NCOR1: variants seen among roughly 807,000 people sequenced by gnomAD.
The protein encoded by NCOR1 is nuclear receptor corepressor 1.
A neutral mutation model predicts 288.1 loss-of-function variants in NCOR1; 63 were observed. The observed-to-expected ratio is 0.22, with a 90% CI of 0.18 to 0.27. NCOR1 has a LOEUF of 0.27. NCOR1 is among the 10% of genes least tolerant of loss of function. The pLI is 1.00. For synonymous variants in NCOR1, 1,007 were observed against 1,065.9 expected (o/e 0.94, Z 1.08); for missense variants, 2,397 against 3,019.2 (o/e 0.79, Z 4.83).
At chr17:16,155,370 T>TACACAC (rs1310916507) in intron 6 of NCOR1, among the ~76,000 whole-genome samples, 85 of 113,236 alleles carry the variant, frequency 7.5e-4, no homozygotes, top group Middle Eastern at 5.7e-3. Context: ...AAAAAAAAAA[T>TACACAC]ACACACACAC....
intron 18 of NCOR1, among the ~76,000 whole-genome samples, chr17:16,112,752 G>A (rs756659953): frequency 2.4e-4 from 37 of 152,128 alleles, no homozygotes; most frequent in Admixed American, 5.9e-4. Flanking sequence ...GCCTCCCAAC[G>A]TGCTGGGATT....
intron 9 of NCOR1, among the ~76,000 whole-genome samples, chr17:16,148,630 C>T (rs1372654200): frequency 1.0e-5 from 1 of 98,324 alleles, no homozygotes; most frequent in Admixed American, 1.6e-4. Context: ...AATACATGAG[C>T]TAATTTCTTA....
chr17:16,179,117 T>A (rs141502935), intron 3 of NCOR1, among the ~76,000 whole-genome samples: 1 of 152,064 alleles, frequency 6.6e-6, no homozygotes, highest in African/African-American at 2.4e-5. Context: ...AAAATAATAT[T>A]ATATTTCAAA....
chr17:16,136,660 A>C (rs1459196634), intron 14 of NCOR1, among the ~76,000 whole-genome samples: 1 of 152,016 alleles, frequency 6.6e-6, no homozygotes, highest in Non-Finnish European at 1.5e-5. Context: ...ACAAAAACTT[A>C]GCCGGGCGTG....
chr17:16,080,820 TAAA>T, intron 23 of NCOR1, 93 bp from the exon 24 acceptor site: 7 of 927,398 alleles, frequency 7.5e-6, no homozygotes, highest in Non-Finnish European at 1.0e-5. Context: ...CATTTCTGTT[TAAA>T]AAAAAAAAAA....
chr17:16,105,371 C>T (rs920792929), intron 19 of NCOR1, among the ~76,000 whole-genome samples: 3 of 151,906 alleles, frequency 2.0e-5, no homozygotes, highest in South Asian at 4.2e-4. Flanking sequence ...GAGCCACGAT[C>T]GAGCCACTGC....
chr17:16,149,398 G>A (rs1375318430), intron 9 of NCOR1, 53 bp downstream of exon 9: 6 of 1,069,322 alleles, frequency 5.6e-6, no homozygotes, highest in African/African-American at 3.3e-5. Context: ...ATGCCTAAAT[G>A]AGCATGAATG....
At chr17:16,116,816 G>A (rs900607815) in intron 18 of NCOR1, among the ~76,000 whole-genome samples, 7 of 152,166 alleles carry the variant, frequency 4.6e-5, no homozygotes, top group African/African-American at 7.2e-5. Context: ...GCGTCATCAA[G>A]GACATTCTTA....
intron 42 of NCOR1, chr17:16,044,770 C>T: frequency 2.2e-6 from 2 of 928,426 alleles, no homozygotes. Flanking sequence ...TTGCAATGGC[C>T]CTGGCCAATG....
intron 4 of NCOR1, among the ~76,000 whole-genome samples, chr17:16,166,024 T>C (rs191035682): frequency 1.3e-5 from 2 of 152,200 alleles, no homozygotes; most frequent in Non-Finnish European, 2.9e-5. Context: ...TAGTTCTGAG[T>C]CAAGAATGCA....
intron 14 of NCOR1, among the ~76,000 whole-genome samples, chr17:16,131,664 TAAAC>T (rs1485670794): frequency 2.6e-5 from 4 of 152,284 alleles, no homozygotes; most frequent in East Asian, 1.9e-4. Context: ...CTTCGGGAAA[TAAAC>T]AGACAATATC....
chr17:16,055,202 C>A (rs2059778402), intron 40 of NCOR1, among the ~76,000 whole-genome samples: 1 of 152,154 alleles, frequency 6.6e-6, no homozygotes, highest in Non-Finnish European at 1.5e-5. Flanking sequence ...ATAAATCATT[C>A]TATTATAAAG....
intron 6 of NCOR1, among the ~76,000 whole-genome samples, chr17:16,154,112 A>C (rs1174657922): frequency 6.7e-6 from 1 of 148,170 alleles, no homozygotes; most frequent in Non-Finnish European, 1.5e-5. Context: ...CTGCAGCCTC[A>C]ACTTCCTGGA....
intron 22 of NCOR1, chr17:16,091,638 A>G (rs2065195735): frequency 7.3e-7 from 1 of 1,369,886 alleles, no homozygotes; most frequent in African/African-American, 1.5e-5. Context: ...CAGAAAATTC[A>G]CATTAACTAG....
In NCOR1 at chr17:16,039,306, A is replaced by G. The variant is rs1256338715; in HGVS notation, c.6955+127T>C. 8 of 872,250 alleles carry G rather than the reference A, an allele frequency of 9.2e-6. No homozygotes were observed. The South Asian group carries it at 9.2e-5, about 10-fold the overall frequency. 54.0% of individuals were successfully genotyped at this position (872,250 alleles called of 1,614,324 possible). On this transcript the variant is annotated intron_variant, in intron 44 of 45. Coordinates refer to ENST00000268712, the MANE Select transcript of NCOR1 (RefSeq NM_006311.4). ...CAAAAACCTTTTTTAAGTAACGGAA[A>G]CCCTAAGAGGTGACTCTGAGCACAT...
At chr17:16,188,393 C>G (rs1394335116) in intron 2 of NCOR1, among the ~76,000 whole-genome samples, 1 of 151,992 alleles carries the variant, frequency 6.6e-6, no homozygotes, top group Non-Finnish European at 1.5e-5. Flanking sequence ...GGGCAGATCA[C>G]AAGGTCAGGA....
chr17:16,166,679 C>T (rs1163314760), intron 4 of NCOR1, among the ~76,000 whole-genome samples: 2 of 146,694 alleles, frequency 1.4e-5, no homozygotes, highest in Non-Finnish European at 3.0e-5. Flanking sequence ...GACTCCATCT[C>T]AAAAAAAAAG....
intron 5 of NCOR1, among the ~76,000 whole-genome samples, chr17:16,159,658 C>T (rs2080424802): frequency 6.6e-6 from 1 of 152,062 alleles, no homozygotes; most frequent in Non-Finnish European, 1.5e-5. Context: ...CCTCAACACC[C>T]AATCTTCATG....
chr17:16,095,726 C>G (rs2066453712), intron 21 of NCOR1, among the ~76,000 whole-genome samples: 1 of 125,584 alleles, frequency 8.0e-6, no homozygotes, highest in Admixed American at 8.8e-5. Flanking sequence ...CCCGCCCGGC[C>G]AGCCGCCCCG....
Sources: gnomAD v4.1 joint callset for allele counts (sites outside exome capture counted in the v4.1 genomes callset) on GRCh38, gnomAD v4.1.1 for gene constraint, MANE v1.5 for transcripts, NCBI Gene and HGNC (gene_info 2026-07-23, HGNC 2026-07-21) for gene names.